Variants in SERPINA4 observed in about 807,000 individuals in gnomAD.
SERPINA4 encodes the protein serpin family A member 4.
In SERPINA4, 24 loss-of-function variants were observed where a neutral mutation model predicts 25.4. That is an observed-to-expected ratio of 0.95 (90% CI 0.69 to 1.33). The LOEUF (loss-of-function observed/expected upper bound fraction) is 1.33, where lower values mean the gene tolerates loss of function less well. Ranked by LOEUF, SERPINA4 falls within the 40% of genes most tolerant of loss-of-function variation. The pLI is 0.00. For synonymous variants in SERPINA4, 242 were observed against 223.6 expected (o/e 1.08, Z -0.73); for missense variants, 553 against 535.8 (o/e 1.03, Z -0.32).
chr14:94,569,775 T>C lies in SERPINA4; in HGVS notation c.*180T>C. 1.6e-6 allele frequency: 1 copy of C among 634,296 alleles called. No homozygotes were observed. The highest frequency in any genetic ancestry group is 2.7e-6 in the Non-Finnish European group (1 of 365,936). 39.3% of individuals were successfully genotyped at this position (634,296 alleles called of 1,614,324 possible). A position where few individuals can be genotyped will look rare whatever the true frequency, so the allele number is the denominator to read the frequency against. Reference sequence around the variant, plus strand: ...CACTGAGATGGGCAGGGCCTGGACATTCCACACCCTGGTGCTGTGCAGCCT... The same window carrying C: ...CACTGAGATGGGCAGGGCCTGGACACTCCACACCCTGGTGCTGTGCAGCCT... On this transcript the variant is annotated 3_prime_UTR_variant, in exon 5 of 5. Coordinates refer to ENST00000557004, the MANE Select transcript of SERPINA4 (RefSeq NM_006215.4).
chr14:94,569,247 A>G, intron 4 of SERPINA4, 148 bp from the exon 5 acceptor site: 1 of 712,818 alleles, frequency 1.4e-6, no homozygotes, highest in South Asian at 1.9e-5. Flanking sequence ...AATCCGCCCA[A>G]ATGAAATTCT....
At position 94,569,427 on chromosome 14, in the gene SERPINA4, G is replaced by A. The variant is rs145967569; in HGVS notation, c.1116G>A (p.Glu372=). Residue 372 remains glutamate (E), a synonymous_variant, in exon 5 of 5, where the codon GAG becomes GAA. Coordinates refer to ENST00000557004, the MANE Select transcript of SERPINA4 (RefSeq NM_006215.4). ...SFHKATLDVD[E]AGTEAAAATS... is the part of the protein sequence containing the mutation. ...ACAAGGCCACCTTGGACGTGGATGA[G>A]GCTGGCACCGAGGCTGCAGCAGCCA... 4.2e-3 allele frequency: 6,822 copies of A among 1,614,080 alleles called. 38 individuals are homozygous for A. The highest frequency in any genetic ancestry group is 0.041 in the Middle Eastern group (251 of 6,062).
At chr14:94,565,956 A>G (rs1902192029) in intron 2 of SERPINA4, among the ~76,000 whole-genome samples, 1 of 152,242 alleles carries the variant, frequency 6.6e-6, no homozygotes, top group African/African-American at 2.4e-5. Context: ...TCAGGAAGAC[A>G]TTGGTTAGAA....
Position 94,569,424 on chromosome 14 carries a change from T to C in SERPINA4, c.1113T>C (p.Asp371=). ...KSFHKATLDV[D]EAGTEAAAAT... The stretch of plus-strand genomic sequence containing the variant: ...TCCACAAGGCCACCTTGGACGTGGA[T>C]GAGGCTGGCACCGAGGCTGCAGCAG... Residue 371 remains aspartate, a synonymous_variant, in exon 5 of 5, where the codon GAT becomes GAC. Transcript: ENST00000557004. 1.2e-6 allele frequency: 2 copies of C among 1,614,114 alleles called. No individual in the cohort carries two copies. The highest frequency in any genetic ancestry group is 1.7e-6 in the Non-Finnish European group (2 of 1,180,028).
At chr14:94,565,858 A>T (rs980476038) in intron 2 of SERPINA4, among the ~76,000 whole-genome samples, 1 of 152,186 alleles carries the variant, frequency 6.6e-6, no homozygotes. Context: ...CTCCAAAAAA[A>T]AGTTTTGCTT....
Position 94,564,042 on chromosome 14 carries a change from A to G in SERPINA4, c.560A>G (p.Lys187Arg). Residue 187 changes from lysine to arginine, a missense_variant, in exon 2 of 5, where the codon AAG (lysine) becomes AGG (arginine). Lys to Arg is a conservative substitution (Grantham distance 26). Coordinates refer to ENST00000557004, the MANE Select transcript of SERPINA4 (RefSeq NM_006215.4). ...GTIQLINDHVKKETRGKIVDL... is the reference protein window; with the variant it reads ...GTIQLINDHVRKETRGKIVDL... ...ATCCAGCTTATCAACGACCACGTCA[A>G]GAAGGAAACTCGAGGGAAGATTGTG... 1 of 1,612,232 alleles carries G rather than the reference A, an allele frequency of 6.2e-7. No homozygotes were observed. The highest frequency in any genetic ancestry group is 8.5e-7 in the Non-Finnish European group (1 of 1,180,026).
In SERPINA4 at chr14:94,568,194, A is replaced by C; in HGVS notation, c.989A>C (p.Asp330Ala). 1 of 1,614,214 alleles carries C rather than the reference A, an allele frequency of 6.2e-7. No individual in the cohort carries two copies. The highest frequency in any genetic ancestry group is 2.2e-5 in the East Asian group (1 of 44,888). The change falls in exon 4 of 5, where the codon GAT becomes GCT. Residue 330 changes from aspartate (D) to alanine (A), a missense_variant. Physicochemically the swap from Asp to Ala is moderately radical, Grantham distance 126 (BLOSUM62 -2). Coordinates refer to ENST00000557004, the MANE Select transcript of SERPINA4 (RefSeq NM_006215.4). The part of the protein sequence containing the change: ...KFSISGSYVL[D>A]QILPRLGFTD... ...TCCATTTCTGGCTCCTATGTATTAG[A>C]TCAGATTTTGCCCAGGCTGGGCTTC... is the stretch of plus-strand genomic sequence containing the variant.
At chr14:94,564,216 C>CA in intron 2 of SERPINA4, 85 bp downstream of exon 2, 1 of 1,407,868 alleles carries the variant, frequency 7.1e-7, no homozygotes, top group African/African-American at 1.4e-5. Context: ...TATATTTTTA[C>CA]AAAAATGTAA....
At chr14:94,568,568 G>A (rs1256234576) in intron 4 of SERPINA4, among the ~76,000 whole-genome samples, 1 of 152,178 alleles carries the variant, frequency 6.6e-6, no homozygotes, top group Non-Finnish European at 1.5e-5. Context: ...AGAAAATGGA[G>A]GAGGGGCCGG....
At chr14:94,566,022 C>T (rs2139904247) in intron 2 of SERPINA4, among the ~76,000 whole-genome samples, 1 of 152,304 alleles carries the variant, frequency 6.6e-6, no homozygotes, top group African/African-American at 2.4e-5. Flanking sequence ...GGCCTTAGTC[C>T]ATTCACCCTA....
Position 94,567,170 on chromosome 14 carries a change from G to C in SERPINA4, c.850G>C (p.Gly284Arg). Residue 284 changes from glycine to arginine, a missense_variant, in exon 3 of 5, where the codon GGC becomes CGC. By Grantham distance (125) the Gly-to-Arg change is moderately radical (BLOSUM62 -2). Coordinates refer to ENST00000557004, the MANE Select transcript of SERPINA4 (RefSeq NM_006215.4). The stretch of plus-strand genomic sequence containing the variant: ...CGTGTTTTTCATTCTCCCTAACCAA[G>C]GCAAAATGAGGGAGATTGAAGAGGT... ...ATVFFILPNQ[G>R]KMREIEEVLT... The C allele has an allele frequency of 6.2e-7, 1 of 1,614,160 alleles. No homozygotes were observed. The highest frequency in any genetic ancestry group is 1.1e-5 in the South Asian group (1 of 91,074).
At chr14:94,568,550 G>A (rs1314641964) in intron 4 of SERPINA4, among the ~76,000 whole-genome samples, 7 of 152,268 alleles carry the variant, frequency 4.6e-5, no homozygotes, top group Non-Finnish European at 1.0e-4. Context: ...AGAGATAAAC[G>A]CAATGATAGA....
Position 94,568,268 on chromosome 14 carries a change from C to T in SERPINA4, c.1063C>T (p.Gln355Ter). 6.2e-7 allele frequency: 1 copy of T among 1,614,134 alleles called. No homozygotes were observed. Among genetic ancestry groups the T allele is most frequent in the Non-Finnish European group, 8.5e-7 (1 of 1,180,010 alleles). The change falls in exon 4 of 5, where the codon CAA (glutamine) becomes TAA (stop). Residue 355 changes from glutamine to a stop codon, truncating the protein, a stop_gained. Transcript: ENST00000557004. LOFTEE classifies it low-confidence loss of function (END_TRUNC). Reference sequence around the variant, plus strand: ...TGACTTATCCGGCATCACCAAACAGCAAAAACTGGAGGCATCCAAAGTAAG... The same window carrying T: ...TGACTTATCCGGCATCACCAAACAGTAAAAACTGGAGGCATCCAAAGTAAG... ...WADLSGITKQ[Q>*]KLEASKSFHK... is the part of the protein sequence containing the mutation.
rs754422340 is a variant in SERPINA4, at chr14:94,563,707, C to G, written c.225C>G (p.Ile75Met). The change falls in exon 2 of 5, where the codon ATC becomes ATG. Residue 75 changes from isoleucine (I) to methionine (M), a missense_variant. Coordinates refer to ENST00000557004, the MANE Select transcript of SERPINA4 (RefSeq NM_006215.4). ...LIASETPGKN[I>M]FFSPLSISAA... ...CTTCGGAGACCCCGGGGAAGAACAT[C>G]TTTTTCTCCCCGCTGAGCATCTCGG... 15 of 1,613,942 alleles carry G rather than the reference C, an allele frequency of 9.3e-6. No individual in the cohort carries two copies. The East Asian group carries it at 2.7e-4, about 29-fold the overall frequency.
In SERPINA4 at chr14:94,569,382, A is replaced by G. The variant is rs1388164168; in HGVS notation, c.1084-13A>G. ...TGCTGGCTTGGAGATAATGCTTGTG[A>G]TTTTCCTCCCAGAGTTTCCACAAGG... is the stretch of plus-strand genomic sequence containing the variant. On this transcript the variant is annotated splice_polypyrimidine_tract_variant and intron_variant, in intron 4 of 4. Transcript: ENST00000557004. 6.2e-7 allele frequency: 1 copy of G among 1,611,650 alleles called. No individual in the cohort carries two copies. The highest frequency in any genetic ancestry group is 8.5e-7 in the Non-Finnish European group (1 of 1,179,744).
chr14:94,563,515 G>T lies in SERPINA4; in HGVS notation c.33G>T (p.Leu11=), dbSNP rs5508. MHLIDYLLLL[L]VGLLALSHGQ... ...TTATCGACTACCTGCTCCTCCTGCT[G>T]GTTGGACTACTGGCCCTTTCTCATG... Residue 11 remains leucine, a synonymous_variant, in exon 2 of 5, where the codon CTG becomes CTT. Transcript: ENST00000557004. 376,820 of 1,613,418 alleles carry T rather than the reference G, an allele frequency of 0.23. 44,965 individuals are homozygous for T. Among genetic ancestry groups the T allele is most frequent in the African/African-American group, 0.31 (23,023 of 74,912 alleles).
intron 4 of SERPINA4, 83 bp from the exon 5 acceptor site, chr14:94,569,312 C>T (rs1444967797): frequency 2.6e-5 from 33 of 1,258,588 alleles, no homozygotes; most frequent in Non-Finnish European, 3.7e-5. Context: ...AATATTATTC[C>T]CTAGCAATTT....
At chr14:94,561,634 A>G (rs1431048097) in intron 1 of SERPINA4, 140 bp downstream of exon 1, 2 of 1,278,144 alleles carry the variant, frequency 1.6e-6, no homozygotes, top group Non-Finnish European at 2.0e-6. Context: ...AAGCTGGGAC[A>G]CTTTGTCACT....
At chr14:94,562,826 A>G (rs3762123) in intron 1 of SERPINA4, among the ~76,000 whole-genome samples, 42,358 of 152,030 alleles carry the variant, frequency 0.28, 6,206 homozygotes, top group South Asian at 0.36. Flanking sequence ...TTCTATCCCC[A>G]CAACTTTGGG....
Sources: allele counts gnomAD v4.1 joint callset (sites outside exome capture counted in the v4.1 genomes callset), GRCh38; gene constraint gnomAD v4.1.1; transcripts MANE v1.5; gene names NCBI Gene and HGNC (gene_info 2026-07-23, HGNC 2026-07-21).